DIP2C: variants seen among roughly 807,000 people sequenced by gnomAD.
DIP2C encodes disco-interacting protein 2 homolog C.
A neutral mutation model predicts 192.4 loss-of-function variants in DIP2C; 33 were observed. That is an observed-to-expected ratio of 0.17 (90% CI 0.13 to 0.23). The LOEUF is 0.23. Among genes scored for constraint, DIP2C ranks in the 10% least tolerant of loss-of-function variants. The pLI is 1.00. For synonymous variants in DIP2C, 979 were observed against 864.1 expected (o/e 1.13, Z -2.33); for missense variants, 1,537 against 2,110.1 (o/e 0.73, Z 5.32).
intron 4 of DIP2C, among the ~76,000 whole-genome samples, chr10:426,282 AAC>A (rs369680170): frequency 3.1e-3 from 472 of 152,342 alleles, no homozygotes; most frequent in African/African-American, 0.011. Flanking sequence ...CCAAACTTCT[AAC>A]AAAAAGGTAC....
chr10:527,113 G>C (rs1033138234), intron 1 of DIP2C, among the ~76,000 whole-genome samples: 1 of 152,178 alleles, frequency 6.6e-6, no homozygotes, highest in African/African-American at 2.4e-5. Context: ...ATCGCATCTG[G>C]CCTGGATTCT....
intron 1 of DIP2C, among the ~76,000 whole-genome samples, chr10:574,629 T>G (rs1343930831): frequency 1.3e-5 from 2 of 152,224 alleles, no homozygotes; most frequent in African/African-American, 4.8e-5. Context: ...GAGACCCTGA[T>G]TCTTTGAAAC....
At chr10:684,008 G>A (rs763022809) in intron 1 of DIP2C, among the ~76,000 whole-genome samples, 12 of 152,250 alleles carry the variant, frequency 7.9e-5, no homozygotes, top group Non-Finnish European at 1.3e-4. Context: ...AGCGGGAAGC[G>A]CGTGGCTCGG....
At chr10:514,655 C>CA (rs1317523402) in intron 1 of DIP2C, among the ~76,000 whole-genome samples, 2 of 151,832 alleles carry the variant, frequency 1.3e-5, no homozygotes, top group Non-Finnish European at 2.9e-5. Context: ...CACCGACCCT[C>CA]ACCACTGCTG....
At chr10:650,585 C>A (rs890038481) in intron 1 of DIP2C, 1 of 621,404 alleles carries the variant, frequency 1.6e-6, no homozygotes, top group East Asian at 2.7e-5. Context: ...ACGTGGGCCC[C>A]TTCAGTTTGC....
At chr10:317,368 G>A (rs1956818636) in intron 31 of DIP2C, among the ~76,000 whole-genome samples, 1 of 152,246 alleles carries the variant, frequency 6.6e-6, no homozygotes, top group African/African-American at 2.4e-5. Flanking sequence ...TGCTTTGAGT[G>A]GCACAGCAGA....
chr10:600,571 CCGTGCGACCCCACA>C (rs1852002117), intron 1 of DIP2C, among the ~76,000 whole-genome samples: 1 of 152,096 alleles, frequency 6.6e-6, no homozygotes, highest in African/African-American at 2.4e-5. Context: ...GCGGATGCTC[CCGTGCGACCCCACA>C]GCAGCCCTCT....
chr10:591,611 T>C (rs1007681557), intron 1 of DIP2C, among the ~76,000 whole-genome samples: 11 of 152,156 alleles, frequency 7.2e-5, no homozygotes, highest in Non-Finnish European at 1.5e-4. Context: ...GATTTGAGCC[T>C]TGAGAATAAG....
intron 13 of DIP2C, among the ~76,000 whole-genome samples, chr10:389,593 G>A (rs1963291339): frequency 6.6e-6 from 1 of 152,210 alleles, no homozygotes; most frequent in Non-Finnish European, 1.5e-5. Flanking sequence ...AGATCCACAT[G>A]CTGAAGCCCA....
chr10:336,978 CTGTG>C (rs141349366), intron 29 of DIP2C, among the ~76,000 whole-genome samples: 4 of 33,300 alleles, frequency 1.2e-4, no homozygotes, highest in East Asian at 7.9e-4. Context: ...GCCTAGGCAG[CTGTG>C]TGTGTGTGTG....
chr10:538,245 ACT>A (rs1254767778), intron 1 of DIP2C, among the ~76,000 whole-genome samples: 1 of 151,970 alleles, frequency 6.6e-6, no homozygotes, highest in African/African-American at 2.4e-5. Context: ...CCAGCCTAAA[ACT>A]CTGGGCTTCA....
chr10:289,269 ATG>A (rs534651109), intron 32 of DIP2C, among the ~76,000 whole-genome samples: 780 of 33,438 alleles, frequency 0.023, no homozygotes, highest in Middle Eastern at 0.12. Context: ...TCCCCCAGTG[ATG>A]TTTTTTTTTT....
At position 345,005 on chromosome 10, in the gene DIP2C, C is replaced by G; in HGVS notation, c.3337G>C (p.Asp1113His). ...VDVRTWPLIL[D>H]TDDLPKKRPA... Reference sequence around the variant, plus strand: ...CTGCAGCTAAAGCACCAACCTGTGTCCAGGATGAGGGGCCACGTCCTGACG... The same window carrying G: ...CTGCAGCTAAAGCACCAACCTGTGTGCAGGATGAGGGGCCACGTCCTGACG... The change falls in exon 27 of 37, where the codon GAC becomes CAC. Residue 1113 changes from aspartate (D) to histidine (H), a missense_variant. Asp to His is a moderately conservative substitution (Grantham distance 81, BLOSUM62 -1). Coordinates refer to ENST00000280886, the MANE Select transcript of DIP2C (RefSeq NM_014974.3). The G allele has an allele frequency of 6.2e-7, 1 of 1,612,410 alleles. No homozygotes were observed. Among genetic ancestry groups the G allele is most frequent in the Non-Finnish European group, 8.5e-7 (1 of 1,179,626 alleles).
At position 465,067 on chromosome 10, in the gene DIP2C, A is replaced by G. The variant is rs78646835; in HGVS notation, c.268+7372T>C. 9.8e-4 allele frequency among the ~76,000 whole-genome samples: 138 copies of G among 141,360 alleles called. 4 individuals are homozygous for G. The highest frequency in any genetic ancestry group is 7.4e-3 in the South Asian group (30 of 4,046). The allele number at this position is 141,360 out of a possible 152,430, so 92.7% of individuals were successfully genotyped here. A position where few individuals can be genotyped will look rare whatever the true frequency, so the allele number is the denominator to read the frequency against. ...CCAGCATCATTCTGATACCAAAGCC[A>G]GGCAGAGACACAACCAAAAAAGAGA... On this transcript the variant is annotated intron_variant, in intron 3 of 36. Coordinates refer to ENST00000280886, the MANE Select transcript of DIP2C (RefSeq NM_014974.3).
intron 1 of DIP2C, among the ~76,000 whole-genome samples, chr10:575,840 G>A (rs1038337618): frequency 6.6e-6 from 1 of 152,140 alleles, no homozygotes; most frequent in African/African-American, 2.4e-5. Context: ...GTCAATTTAG[G>A]GTCATTTTCA....
chr10:659,264 A>T (rs955172695), intron 1 of DIP2C, among the ~76,000 whole-genome samples: 61 of 149,702 alleles, frequency 4.1e-4, no homozygotes, highest in Middle Eastern at 7.0e-3. Context: ...ATGCACACAC[A>T]TACATACAAC....
At chr10:304,604 TAAC>T (rs1956218293) in intron 32 of DIP2C, among the ~76,000 whole-genome samples, 1 of 152,066 alleles carries the variant, frequency 6.6e-6, no homozygotes, top group Non-Finnish European at 1.5e-5. Flanking sequence ...TGTATACTTG[TAAC>T]AACTCCACAT....
intron 1 of DIP2C, among the ~76,000 whole-genome samples, chr10:586,274 T>G (rs144986066): frequency 1.3e-5 from 2 of 152,342 alleles, no homozygotes; most frequent in African/African-American, 4.8e-5. Flanking sequence ...ACAGCCTGAA[T>G]GTCCTTTCAG....
At chr10:577,854 G>A (rs960563889) in intron 1 of DIP2C, among the ~76,000 whole-genome samples, 1 of 150,190 alleles carries the variant, frequency 6.7e-6, no homozygotes, top group African/African-American at 2.5e-5. Context: ...AAAGAAGAAA[G>A]AACTTAAGAA....
Sources: gnomAD v4.1 joint callset for allele counts (sites outside exome capture counted in the v4.1 genomes callset) on GRCh38, gnomAD v4.1.1 for gene constraint, MANE v1.5 for transcripts, NCBI Gene and HGNC (gene_info 2026-07-23, HGNC 2026-07-21) for gene names.